ANO2: variants seen among roughly 807,000 people sequenced by gnomAD.
The protein encoded by ANO2 is anoctamin 2.
A neutral mutation model predicts 124.2 loss-of-function variants in ANO2; 101 were observed. The observed-to-expected ratio is 0.81, with a 90% CI of 0.69 to 0.96. The LOEUF (loss-of-function observed/expected upper bound fraction) is 0.96, where lower values mean the gene tolerates loss of function less well. Among genes scored for constraint, ANO2 ranks in the 40% least tolerant of loss-of-function variants. ANO2 has a pLI of 0.00. For missense variants in ANO2, 1,293 were observed against 1,274.5 expected, an observed-to-expected ratio of 1.01 and a Z score of -0.22; for synonymous variants, 486 against 482.5, an observed-to-expected ratio of 1.01 and a Z score of -0.09.
At chr12:5,688,275 A>T (rs998037010) in intron 14 of ANO2, among the ~76,000 whole-genome samples, 7 of 152,334 alleles carry the variant, frequency 4.6e-5, no homozygotes, top group South Asian at 4.1e-4. Flanking sequence ...GAAATTAGCA[A>T]AGGGAAGGAA....
At chr12:5,780,123 AGT>A (rs1337112424) in intron 10 of ANO2, among the ~76,000 whole-genome samples, 2 of 152,350 alleles carry the variant, frequency 1.3e-5, no homozygotes, top group African/African-American at 4.8e-5. Flanking sequence ...TCAAGAGTAA[AGT>A]GGCATGATGT....
intron 4 of ANO2, among the ~76,000 whole-genome samples, chr12:5,844,101 G>A (rs1021372837): frequency 2.6e-5 from 4 of 152,208 alleles, no homozygotes; most frequent in Admixed American, 6.5e-5. Flanking sequence ...GGCAGCAAAG[G>A]ATGAGTAGTA....
intron 23 of ANO2, among the ~76,000 whole-genome samples, chr12:5,566,694 C>T (rs539315605): frequency 3.3e-5 from 5 of 152,294 alleles, no homozygotes; most frequent in Admixed American, 6.5e-5. Flanking sequence ...TTCATCTTCA[C>T]GACAACATCC....
At chr12:5,886,882 G>T (rs1938950262) in intron 3 of ANO2, among the ~76,000 whole-genome samples, 1 of 152,166 alleles carries the variant, frequency 6.6e-6, no homozygotes, top group African/African-American at 2.4e-5. Flanking sequence ...GAGGTCCTCA[G>T]TCAAATTCAC....
upstream of ANO2, chr12:5,946,022 G>T: frequency 1.8e-6 from 2 of 1,113,236 alleles, no homozygotes; most frequent in South Asian, 1.4e-5. This position sits in a 1 kb window ranked among gnomAD's most constrained non-coding sequence, Gnocchi z 4.1. Context: ...GACCTCCAAA[G>T]GGCCCTTCTG....
rs186887986 is a variant in ANO2, at chr12:5,855,328, G to A, written c.535-1187C>T. Among the ~76,000 whole-genome samples the A allele has an allele frequency of 6.6e-5, 10 of 152,302 alleles. No individual in the cohort carries two copies. The East Asian group carries it at 1.3e-3, about 21-fold the overall frequency. On this transcript the variant is annotated intron_variant, in intron 3 of 24. Coordinates refer to ENST00000682330, the MANE Select transcript of ANO2 (RefSeq NM_001364791.2). ...CTGAAGAACACTGTCTATGGAGGAGGTGCTCACATGTGCTTTTGAAATGAT... is the reference window on the plus strand; with the variant it reads ...CTGAAGAACACTGTCTATGGAGGAGATGCTCACATGTGCTTTTGAAATGAT...
chr12:5,731,003 C>T (rs1950610626), intron 14 of ANO2, among the ~76,000 whole-genome samples: 1 of 152,134 alleles, frequency 6.6e-6, no homozygotes, highest in Non-Finnish European at 1.5e-5. Flanking sequence ...TGCATATATA[C>T]CCAAGCAATG....
At position 5,769,221 on chromosome 12, in the gene ANO2, C is replaced by T. The variant is rs1292353389; in HGVS notation, c.1056-18251G>A. 6.6e-6 allele frequency among the ~76,000 whole-genome samples: 1 copy of T among 152,116 alleles called. No individual in the cohort carries two copies. Among genetic ancestry groups the T allele is most frequent in the Non-Finnish European group, 1.5e-5 (1 of 68,012 alleles). ...ACCAATCCTCTCTTTAAGAAGGTTT[C>T]CAAATAAAGAGCCATCGTATGGAGC... On this transcript the variant is annotated intron_variant, in intron 10 of 24. Transcript: ENST00000682330. The surrounding 1 kb of genome is among the most constrained non-coding windows in gnomAD (Gnocchi z 4.0).
rs542014128 is a variant in ANO2 at position 5,853,753 on chromosome 12, A to G, written c.633+290T>C. 4.6e-5 allele frequency among the ~76,000 whole-genome samples: 7 copies of G among 152,114 alleles called. No homozygotes were observed. In the South Asian group the frequency reaches 1.5e-3, roughly 32 times the overall value. The stretch of plus-strand genomic sequence containing the variant: ...GTACTAGGACCCCGAGAAGAGAGAA[A>G]GGAGGTGAAACAGAAAAATGAAGAA... On this transcript the variant is annotated intron_variant, in intron 4 of 24. Coordinates refer to ENST00000682330, the MANE Select transcript of ANO2 (RefSeq NM_001364791.2).
At chr12:5,692,230 T>C (rs911814321) in intron 14 of ANO2, among the ~76,000 whole-genome samples, 3 of 151,994 alleles carry the variant, frequency 2.0e-5, no homozygotes, top group Non-Finnish European at 4.4e-5. Flanking sequence ...TAGATTTTAG[T>C]AGTAGAGTTA....
At chr12:5,732,779 A>G in intron 13 of ANO2, 149 bp from the exon 14 acceptor site, 1 of 1,583,406 alleles carries the variant, frequency 6.3e-7, no homozygotes, top group Non-Finnish European at 8.7e-7. Flanking sequence ...ATCACAAGGC[A>G]TCTAGACATC....
At chr12:5,701,761 A>C (rs187092084) in intron 14 of ANO2, among the ~76,000 whole-genome samples, 1 of 152,266 alleles carries the variant, frequency 6.6e-6, no homozygotes, top group East Asian at 1.9e-4. Context: ...CCAGCTTCTA[A>C]GCCTTTATTC....
chr12:5,941,309 T>C (rs1198223782), intron 1 of ANO2, among the ~76,000 whole-genome samples: 1 of 152,120 alleles, frequency 6.6e-6, no homozygotes, highest in Non-Finnish European at 1.5e-5. Context: ...AATTAAAAAT[T>C]ACAATTATGG....
At chr12:5,823,541 G>A (rs1183284553) in intron 7 of ANO2, among the ~76,000 whole-genome samples, 1 of 152,238 alleles carries the variant, frequency 6.6e-6, no homozygotes, top group African/African-American at 2.4e-5. Flanking sequence ...TGGTTCCCAT[G>A]GTCTTGGGCA....
chr12:5,630,111 C>T (rs561864670), intron 16 of ANO2, among the ~76,000 whole-genome samples: 1 of 152,348 alleles, frequency 6.6e-6, no homozygotes, highest in South Asian at 2.1e-4. Flanking sequence ...AACTGGTCTT[C>T]CATTACTCAG....
intron 9 of ANO2, 139 bp downstream of exon 9, chr12:5,805,913 G>C: frequency 1.3e-6 from 1 of 774,488 alleles, no homozygotes; most frequent in Non-Finnish European, 2.0e-6. Flanking sequence ...ACCTGGGTGG[G>C]GGAAAGGGGG....
At chr12:5,827,885 C>A in intron 6 of ANO2, 65 bp from the exon 7 acceptor site, 1 of 1,546,714 alleles carries the variant, frequency 6.5e-7, no homozygotes, top group Non-Finnish European at 8.8e-7. Context: ...CGTGTGTCAC[C>A]CTCACCACTG....
chr12:5,761,297 A>C (rs1951737702), intron 10 of ANO2, among the ~76,000 whole-genome samples: 1 of 152,166 alleles, frequency 6.6e-6, no homozygotes, highest in Admixed American at 6.5e-5. Flanking sequence ...AAAAGAAGAA[A>C]GGGGGAAAAA....
chr12:5,896,046 A>G (rs561290697), intron 3 of ANO2, among the ~76,000 whole-genome samples: 1 of 152,290 alleles, frequency 6.6e-6, no homozygotes, highest in East Asian at 1.9e-4. Context: ...AAAACCAAAT[A>G]TTCTATCCTC....
Sources: gnomAD v4.1 joint callset for allele counts (sites outside exome capture counted in the v4.1 genomes callset) on GRCh38, gnomAD v4.1.1 for gene constraint, Gnocchi (gnomAD v3.1) non-coding constraint, MANE v1.5 for transcripts, NCBI Gene and HGNC (gene_info 2026-07-23, HGNC 2026-07-21) for gene names.